Variants in GBF1 observed in about 807,000 individuals in gnomAD.
GBF1 encodes golgi brefeldin A resistant guanine nucleotide exchange factor 1, also known as Golgi-specific brefeldin A-resistance guanine nucleotide exchange factor 1.
A neutral mutation model predicts 210.5 loss-of-function variants in GBF1; 114 were observed. The ratio of observed to expected loss-of-function variants is 0.54; its 90% confidence interval spans 0.47 to 0.63. The LOEUF is 0.63. Ranked by LOEUF, GBF1 falls within the 30% of genes least tolerant of loss-of-function variation. The probability of loss-of-function intolerance (pLI) is 0.00; values close to 1 mark genes in which losing one functional copy is unlikely to be tolerated. For missense variants in GBF1, 1,851 were observed against 2,357.7 expected (o/e 0.79, Z 4.45); for synonymous variants, 850 against 889.2 (o/e 0.96, Z 0.78).
upstream of GBF1, among the ~76,000 whole-genome samples, chr10:102,243,694 G>A (rs3758550): frequency 4.6e-5 from 7 of 152,292 alleles, no homozygotes; most frequent in East Asian, 3.9e-4. Context: ...GAGGTGCTAT[G>A]ATGGTATATC....
At chr10:102,362,689 G>T in intron 15 of GBF1, 25 bp downstream of exon 15, 1 of 1,575,210 alleles carries the variant, frequency 6.3e-7, no homozygotes, top group Non-Finnish European at 8.7e-7. Context: ...TTTCTTTGAT[G>T]AACCCAGTGT....
chr10:102,303,303 G>A (rs1051988676), intron 3 of GBF1, among the ~76,000 whole-genome samples: 3 of 152,030 alleles, frequency 2.0e-5, no homozygotes, highest in African/African-American at 7.2e-5. Flanking sequence ...TTTTGTATAT[G>A]ATATGAGGTA....
At chr10:102,259,955 G>T in intron 2 of GBF1, 95 bp from the exon 3 acceptor site, 1 of 684,096 alleles carries the variant, frequency 1.5e-6, no homozygotes, top group South Asian at 1.7e-5. Flanking sequence ...ATGATTTTCT[G>T]ATTGGATTCA....
At chr10:102,332,531 G>A (rs1195616256) in intron 3 of GBF1, among the ~76,000 whole-genome samples, 6 of 151,890 alleles carry the variant, frequency 4.0e-5, no homozygotes, top group African/African-American at 9.7e-5. Flanking sequence ...TTACAGGTGC[G>A]CACCACCATG....
At chr10:102,267,303 G>C (rs548133239) in intron 3 of GBF1, among the ~76,000 whole-genome samples, 169 of 152,268 alleles carry the variant, frequency 1.1e-3, no homozygotes, top group African/African-American at 3.8e-3. Flanking sequence ...TCAGCAGTTC[G>C]AGACCAGCCT....
intron 3 of GBF1, among the ~76,000 whole-genome samples, chr10:102,332,239 A>G (rs2057388920): frequency 6.6e-6 from 1 of 152,156 alleles, no homozygotes; most frequent in East Asian, 1.9e-4. Flanking sequence ...GTTATACCAT[A>G]TTTAGGGAAT....
At chr10:102,340,552 C>G (rs1023879468) in intron 3 of GBF1, among the ~76,000 whole-genome samples, 12 of 152,008 alleles carry the variant, frequency 7.9e-5, no homozygotes, top group Non-Finnish European at 1.0e-4. Context: ...GGATTACAGG[C>G]GTGAGCCACC....
Position 102,293,764 on chromosome 10 carries a change from G to GTTTTTTTTTTTTTTTTTT in GBF1, c.163+33652_163+33653insTTTTTTTTTTTTTTTTTT, listed in dbSNP as rs1263151407. ...AAAATATTTTGTACAGCTGTAGTAT[G>GTTTTTTTTTTTTTTTTTT]TTTTGTGTTTTTTTTTTTTTTTTTT... On this transcript the variant is annotated intron_variant, in intron 3 of 39. Coordinates refer to ENST00000369983, the MANE Select transcript of GBF1 (RefSeq NM_001377137.1). Among the ~76,000 whole-genome samples, 139 of 50,888 alleles carry GTTTTTTTTTTTTTTTTTT rather than the reference G, an allele frequency of 2.7e-3. 56 individuals are homozygous for GTTTTTTTTTTTTTTTTTT. The highest frequency in any genetic ancestry group is 4.5e-3 in the Non-Finnish European group (107 of 23,614). The allele number at this position is 50,888 out of a possible 152,430, so 33.4% of individuals were successfully genotyped here.
At chr10:102,233,866 G>A in the GBF1 span, among the ~76,000 whole-genome samples, 1 of 152,104 alleles carries the variant, frequency 6.6e-6, no homozygotes, top group East Asian at 1.9e-4. Context: ...AGCCTCCCAG[G>A]GTCCTTCTCC....
the GBF1 span, among the ~76,000 whole-genome samples, chr10:102,237,641 G>A: frequency 6.6e-6 from 1 of 152,088 alleles, no homozygotes; most frequent in African/African-American, 2.4e-5. Context: ...ACAGAAGCAT[G>A]ACCTGAAACA....
At chr10:102,241,602 C>T (rs1031692254), upstream of GBF1, 6 of 152,418 alleles carry the variant, frequency 3.9e-5, no homozygotes, top group Non-Finnish European at 8.8e-5. This position sits in a 1 kb window ranked among gnomAD's most constrained non-coding sequence, Gnocchi z 6.7. Context: ...CCGCCCCTTT[C>T]CAGCTGCCCT....
At chr10:102,317,321 C>CA (rs1486848842) in intron 3 of GBF1, among the ~76,000 whole-genome samples, 1 of 152,018 alleles carries the variant, frequency 6.6e-6, no homozygotes. Flanking sequence ...TAGGAAGATA[C>CA]AAAAAAGTTT....
rs2059416191 is a variant in GBF1 at position 102,358,502 on chromosome 10, G to T, written c.788-4G>T. On this transcript the variant is annotated splice_polypyrimidine_tract_variant and splice_region_variant and intron_variant, in intron 9 of 39. Coordinates refer to ENST00000369983, the MANE Select transcript of GBF1 (RefSeq NM_001377137.1). ...CTTCAAGCGTCACATACTTTTCTTGGCAGGTGGCATGCCCTTCATTGATGT... is the reference window on the plus strand; with the variant it reads ...CTTCAAGCGTCACATACTTTTCTTGTCAGGTGGCATGCCCTTCATTGATGT... The T allele has an allele frequency of 6.2e-7, 1 of 1,605,702 alleles. No homozygotes were observed.
rs184917147 is a variant in GBF1, at chr10:102,372,716, T to C, written c.3660+1856T>C. Among the ~76,000 whole-genome samples the C allele has an allele frequency of 5.3e-5, 8 of 152,278 alleles. No homozygotes were observed. In the East Asian group the frequency reaches 1.4e-3, roughly 26 times the overall value. ...TAAGTGGTGGAGTGATTAAAATCCA[T>C]AGGAGGAAAAACCAAATGAACCTTG... On this transcript the variant is annotated intron_variant, in intron 29 of 39. Transcript: ENST00000369983.
chr10:102,292,478 T>C (rs1381452480), intron 3 of GBF1, among the ~76,000 whole-genome samples: 2 of 152,158 alleles, frequency 1.3e-5, no homozygotes, highest in East Asian at 1.9e-4. Context: ...GCAATTCTGC[T>C]TCAGCCTCTC....
the GBF1 span, chr10:102,231,688 A>T: frequency 6.2e-7 from 1 of 1,611,958 alleles, no homozygotes; most frequent in Non-Finnish European, 8.5e-7. Context: ...TAGCTCCTGT[A>T]GCTGCTGGCT....
intron 20 of GBF1, 96 bp from the exon 21 acceptor site, chr10:102,367,382 C>A (rs2059972248): frequency 1.7e-6 from 2 of 1,142,992 alleles, no homozygotes; most frequent in Non-Finnish European, 2.7e-6. Context: ...TTTTCGCTTA[C>A]CTTTTCCTAA....
At chr10:102,302,312 A>G (rs1017905741) in intron 3 of GBF1, among the ~76,000 whole-genome samples, 1 of 152,324 alleles carries the variant, frequency 6.6e-6, no homozygotes, top group Admixed American at 6.5e-5. Context: ...ATCATCATAT[A>G]GTACGTGGTT....
chr10:102,289,492 A>G (rs2076260282), intron 3 of GBF1, among the ~76,000 whole-genome samples: 1 of 152,212 alleles, frequency 6.6e-6, no homozygotes, highest in Non-Finnish European at 1.5e-5. Flanking sequence ...TGGGAGGCTA[A>G]GGCAAGAGGA....
Sources: allele counts gnomAD v4.1 joint callset (sites outside exome capture counted in the v4.1 genomes callset), GRCh38; gene constraint gnomAD v4.1.1; non-coding constraint Gnocchi (gnomAD v3.1); transcripts MANE v1.5; gene names NCBI Gene and HGNC (gene_info 2026-07-23, HGNC 2026-07-21).